BCL2L14: variants seen among roughly 807,000 people sequenced by gnomAD.
BCL2L14 encodes apoptosis facilitator Bcl-2-like protein 14.
BCL2L14 carries 27 observed loss-of-function variants against 35.3 expected under a neutral mutation model. That is an observed-to-expected ratio of 0.76 (90% CI 0.56 to 1.05). The LOEUF (loss-of-function observed/expected upper bound fraction) is 1.05, where lower values mean the gene tolerates loss of function less well. Among genes scored for constraint, BCL2L14 ranks in the 50% least tolerant of loss-of-function variants. The pLI, the probability that BCL2L14 is intolerant of heterozygous loss-of-function variation, is 0.00. For synonymous variants in BCL2L14, 139 were observed against 145.9 expected (o/e 0.95, Z 0.34); for missense variants, 377 against 382.6 (o/e 0.99, Z 0.12).
intron 2 of BCL2L14, among the ~76,000 whole-genome samples, chr12:12,058,253 C>CTTTTTTT (rs58296575): frequency 7.0e-6 from 1 of 143,632 alleles, no homozygotes. Context: ...TGCCCAGACT[C>CTTTTTTT]TTTTTTTTTT....
chr12:12,061,602 C>G (rs61923180), intron 2 of BCL2L14, among the ~76,000 whole-genome samples: 7,474 of 152,014 alleles, frequency 0.049, 186 homozygotes, highest in Middle Eastern at 0.061. Context: ...CTCAATACGT[C>G]CCTCCACAAC....
upstream of BCL2L14, among the ~76,000 whole-genome samples, chr12:12,069,015 T>C (rs1357244293): frequency 6.6e-6 from 1 of 152,174 alleles, no homozygotes; most frequent in African/African-American, 2.4e-5. Context: ...GACATTGCCA[T>C]AACATTTGTA....
chr12:12,086,605 C>A (rs1949047700), intron 2 of BCL2L14, among the ~76,000 whole-genome samples: 1 of 152,234 alleles, frequency 6.6e-6, no homozygotes, highest in Non-Finnish European at 1.5e-5. Context: ...CTGACTGCAT[C>A]CTTGTTTACC....
intron 1 of BCL2L14, among the ~76,000 whole-genome samples, chr12:12,076,916 T>A (rs1641720): frequency 1.2e-4 from 18 of 151,944 alleles, no homozygotes; most frequent in African/African-American, 4.3e-4. Flanking sequence ...ATCTAACAAC[T>A]TGGACACCGA....
intron 2 of BCL2L14, among the ~76,000 whole-genome samples, chr12:12,084,934 C>A (rs961644434): frequency 2.4e-4 from 37 of 151,630 alleles, no homozygotes; most frequent in African/African-American, 8.2e-4. Context: ...ATTAGCTGGA[C>A]GTAGTGGCGG....
intron 2 of BCL2L14, among the ~76,000 whole-genome samples, chr12:12,085,896 AAC>A (rs1157462608): frequency 6.6e-6 from 1 of 152,188 alleles, no homozygotes; most frequent in African/African-American, 2.4e-5. Flanking sequence ...TTCTGTCCAA[AAC>A]GCCACTCCAT....
At chr12:12,086,693 G>A in intron 2 of BCL2L14, among the ~76,000 whole-genome samples, 1 of 152,230 alleles carries the variant, frequency 6.6e-6, no homozygotes. Flanking sequence ...ACGGGAGTTA[G>A]GTGTTCACTT....
chr12:12,090,892 T>G lies in BCL2L14; in HGVS notation c.678+43T>G, dbSNP rs753112978. The G allele has an allele frequency of 1.0e-5, 15 of 1,477,494 alleles. No individual in the cohort carries two copies. The African/African-American group carries it at 1.8e-4, about 18-fold the overall frequency. The allele number at this position is 1,477,494 out of a possible 1,614,324, so 91.5% of individuals were successfully genotyped here. ...CTGATGCGATTGATTTCTGTGCCCA[T>G]GCACTAGTACACGAGAATGGAATTG... On this transcript the variant is annotated intron_variant, in intron 4 of 5. Transcript: ENST00000308721.
At chr12:12,089,093 G>A (rs1187005930) in intron 3 of BCL2L14, among the ~76,000 whole-genome samples, 2 of 152,108 alleles carry the variant, frequency 1.3e-5, no homozygotes, top group Non-Finnish European at 2.9e-5. Context: ...TTGGCCGGGA[G>A]CGGTGGCTCG....
At chr12:12,061,801 C>T (rs1390606102) in intron 2 of BCL2L14, among the ~76,000 whole-genome samples, 4 of 152,162 alleles carry the variant, frequency 2.6e-5, no homozygotes, top group African/African-American at 9.7e-5. Flanking sequence ...ATTTCTTCCT[C>T]ATCTGTTACC....
At chr12:12,077,558 A>C (rs1283026175) in intron 1 of BCL2L14, 1 of 148,482 alleles carries the variant, frequency 6.7e-6, no homozygotes, top group Non-Finnish European at 1.5e-5. Context: ...AAAAAAAGAG[A>C]GCCTGGGGCC....
chr12:12,090,924 AGGTTGCAACCTTATTCCCT>A, intron 4 of BCL2L14, 75 bp downstream of exon 4: 1 of 1,215,820 alleles, frequency 8.2e-7, no homozygotes, highest in South Asian at 1.5e-5. Context: ...ATTGTATTCC[AGGTTGCAACCTTATTCCCT>A]TTCTAAGTCC....
chr12:12,051,635 T>C (rs1052869598), intron 1 of BCL2L14, among the ~76,000 whole-genome samples: 3 of 152,194 alleles, frequency 2.0e-5, no homozygotes, highest in Non-Finnish European at 4.4e-5. Flanking sequence ...TGAGAGTCAA[T>C]TCCATTCCTC....
chr12:12,081,551 AT>A (rs35006788), intron 2 of BCL2L14, among the ~76,000 whole-genome samples: 5,076 of 140,378 alleles, frequency 0.036, 108 homozygotes, highest in Middle Eastern at 0.11. Flanking sequence ...CAAAGCCCAG[AT>A]TTTTTTTTTT....
chr12:12,073,272 G>C (rs1014805545), intron 1 of BCL2L14, among the ~76,000 whole-genome samples: 1 of 152,104 alleles, frequency 6.6e-6, no homozygotes, highest in Non-Finnish European at 1.5e-5. Flanking sequence ...GGAGGCCCCC[G>C]CTCCCTCCGC....
intron 2 of BCL2L14, among the ~76,000 whole-genome samples, chr12:12,085,912 T>C (rs1949033229): frequency 6.6e-6 from 1 of 152,206 alleles, no homozygotes; most frequent in African/African-American, 2.4e-5. Context: ...ACTCCATTAC[T>C]GTCTTCAAGT....
chr12:12,079,667 A>G lies in BCL2L14; in HGVS notation c.362A>G (p.Glu121Gly), dbSNP rs1277271434. ...KVSAQGQRTLEYQDSHSQQWS... is the reference protein window; with the variant it reads ...KVSAQGQRTLGYQDSHSQQWS... ...TCTGCTCAGGGTCAAAGGACGTTGG[A>G]ATACCAAGATTCGCACAGCCAGCAG... Residue 121 changes from glutamate to glycine, a missense_variant, in exon 2 of 6, where the codon GAA becomes GGA. Physicochemically the swap from Glu to Gly is moderately conservative, Grantham distance 98 (BLOSUM62 -2). Transcript: ENST00000308721. 6.2e-7 allele frequency: 1 copy of G among 1,614,212 alleles called. No homozygotes were observed. Among genetic ancestry groups the G allele is most frequent in the Admixed American group, 1.7e-5 (1 of 60,022 alleles).
At position 12,079,415 on chromosome 12, in the gene BCL2L14, A is replaced by G. The variant is rs1440064544; in HGVS notation, c.110A>G (p.Lys37Arg). Reference sequence around the variant, plus strand: ...TACTACACCAGACATCATGTCTTCAAGAGCACCCCTGCTCTCTTCTCACCA... The same window carrying G: ...TACTACACCAGACATCATGTCTTCAGGAGCACCCCTGCTCTCTTCTCACCA... ...LAYYTRHHVF[K>R]STPALFSPKL... The change falls in exon 2 of 6, where the codon AAG becomes AGG. Residue 37 changes from lysine to arginine, a missense_variant. Lys to Arg is a conservative substitution (Grantham distance 26). Transcript: ENST00000308721. 1 of 1,614,106 alleles carries G rather than the reference A, an allele frequency of 6.2e-7. No homozygotes were observed. Among genetic ancestry groups the G allele is most frequent in the Non-Finnish European group, 8.5e-7 (1 of 1,180,044 alleles).
intron 1 of BCL2L14, among the ~76,000 whole-genome samples, chr12:12,074,919 A>C (rs765581566): frequency 1.6e-4 from 24 of 152,290 alleles, no homozygotes; most frequent in Non-Finnish European, 3.4e-4. Context: ...GTGGGATTAC[A>C]GGTGTGAGCC....
Sources: gnomAD v4.1 joint callset for allele counts (sites outside exome capture counted in the v4.1 genomes callset) on GRCh38, gnomAD v4.1.1 for gene constraint, MANE v1.5 for transcripts, NCBI Gene and HGNC (gene_info 2026-07-23, HGNC 2026-07-21) for gene names.